The following ZBTB5 variants were observed in gnomAD, a reference collection of about 807,000 sequenced individuals.
The protein encoded by ZBTB5 is zinc finger and BTB domain containing 5.
Under a neutral mutation model 37.9 loss-of-function variants are expected in ZBTB5, and 15 were observed. The observed-to-expected ratio is 0.40, with a 90% confidence interval of 0.26 to 0.61. ZBTB5 has a LOEUF of 0.61. Ranked by LOEUF, ZBTB5 falls within the 20% of genes least tolerant of loss-of-function variation. ZBTB5 has a pLI of 0.47. For missense variants in ZBTB5, 708 were observed against 856.8 expected, an observed-to-expected ratio of 0.83 and a Z score of 2.17; for synonymous variants, 315 against 312.4, an observed-to-expected ratio of 1.01 and a Z score of -0.09.
chr9:37,456,937 G>A (rs750868682), intron 1 of ZBTB5, among the ~76,000 whole-genome samples: 2 of 152,190 alleles, frequency 1.3e-5, no homozygotes, highest in Non-Finnish European at 2.9e-5. Context: ...AAAGACTATG[G>A]ATGAAAGATT....
rs147597809 is a variant in ZBTB5 at position 37,451,405 on chromosome 9, A to G, written c.-4-8850T>C. ...AACATGGCAAAACCCTGTCTCTACA[A>G]AAATTAGCTGGGTGTGGTGGCGCAG... On this transcript the variant is annotated intron_variant, in intron 1 of 1. Coordinates refer to ENST00000307750, the MANE Select transcript of ZBTB5 (RefSeq NM_014872.3). Among the ~76,000 whole-genome samples, 6 of 152,160 alleles carry G rather than the reference A, an allele frequency of 3.9e-5. No individual in the cohort carries two copies. In the East Asian group the frequency reaches 1.2e-3, roughly 29 times the overall value.
At chr9:37,448,349 C>A (rs1392365490) in intron 1 of ZBTB5, among the ~76,000 whole-genome samples, 1 of 152,204 alleles carries the variant, frequency 6.6e-6, no homozygotes, top group African/African-American at 2.4e-5. Context: ...TGCATCATAA[C>A]TATGATTCCA....
intron 1 of ZBTB5, among the ~76,000 whole-genome samples, chr9:37,451,435 G>A (rs959172778): frequency 6.6e-6 from 1 of 151,336 alleles, no homozygotes; most frequent in Non-Finnish European, 1.5e-5. Context: ...GCGCAGGCCT[G>A]TAATCCCAGT....
intron 1 of ZBTB5, among the ~76,000 whole-genome samples, chr9:37,445,714 T>C (rs577696627): frequency 2.6e-5 from 4 of 151,988 alleles, no homozygotes; most frequent in African/African-American, 7.2e-5. Context: ...TTGAAAGTGG[T>C]TGCCTCTGAG....
intron 1 of ZBTB5, among the ~76,000 whole-genome samples, chr9:37,461,808 T>C (rs987021922): frequency 6.6e-6 from 1 of 152,190 alleles, no homozygotes; most frequent in Non-Finnish European, 1.5e-5. Flanking sequence ...CCAAGTATAA[T>C]TTCCAAAAAG....
Position 37,461,504 on chromosome 9 carries a change from G to C in ZBTB5, c.-5+3711C>G, listed in dbSNP as rs570236569. Among the ~76,000 whole-genome samples the C allele has an allele frequency of 1.2e-4, 19 of 152,332 alleles. No individual in the cohort carries two copies. In the South Asian group the frequency reaches 2.5e-3, roughly 20 times the overall value. On this transcript the variant is annotated intron_variant, in intron 1 of 1. Transcript: ENST00000307750. Reference sequence around the variant, plus strand: ...GCACTTTGGGAGGCCAAGGCAGTCGGATCACCTGAGGTCAGGAGTTCAAGA... The same window carrying C: ...GCACTTTGGGAGGCCAAGGCAGTCGCATCACCTGAGGTCAGGAGTTCAAGA...
rs115524235 is a variant in ZBTB5, at chr9:37,450,445, T to C, written c.-4-7890A>G. Among the ~76,000 whole-genome samples the C allele has an allele frequency of 4.1e-3, 617 of 152,304 alleles. 7 individuals carry two copies. The highest frequency in any genetic ancestry group is 0.014 in the African/African-American group (592 of 41,562). On this transcript the variant is annotated intron_variant, in intron 1 of 1. Transcript: ENST00000307750. ...ATTGCTGATCTAACAAAAATTTTAA[T>C]TATATTTGGAAGATAGAAGAATGAG...
At chr9:37,443,952 G>A (rs1311095306) in intron 1 of ZBTB5, among the ~76,000 whole-genome samples, 2 of 151,146 alleles carry the variant, frequency 1.3e-5, no homozygotes, top group Admixed American at 6.6e-5. Context: ...GCATGGTGGC[G>A]TGCACCTGTG....
At chr9:37,460,026 A>G (rs1255930773) in intron 1 of ZBTB5, among the ~76,000 whole-genome samples, 1 of 151,270 alleles carries the variant, frequency 6.6e-6, no homozygotes, top group African/African-American at 2.4e-5. Context: ...TTTAATTTTT[A>G]GTAAAGACTG....
intron 1 of ZBTB5, among the ~76,000 whole-genome samples, chr9:37,444,510 A>G (rs1362011807): frequency 6.6e-6 from 1 of 152,114 alleles, no homozygotes; most frequent in East Asian, 1.9e-4. Flanking sequence ...AAGAAATGGT[A>G]TTTTTTAAAT....
At chr9:37,458,242 TCC>T (rs2118957254) in intron 1 of ZBTB5, among the ~76,000 whole-genome samples, 1 of 152,332 alleles carries the variant, frequency 6.6e-6, no homozygotes, top group South Asian at 2.1e-4. Flanking sequence ...AAATGCTCAC[TCC>T]AATGGAGACC....
At chr9:37,461,033 A>G (rs1342986913) in intron 1 of ZBTB5, among the ~76,000 whole-genome samples, 1 of 152,266 alleles carries the variant, frequency 6.6e-6, no homozygotes, top group African/African-American at 2.4e-5. Flanking sequence ...TCAAAGCAGT[A>G]TATGCCTTCA....
At chr9:37,464,785 T>A in intron 1 of ZBTB5, among the ~76,000 whole-genome samples, 1 of 152,218 alleles carries the variant, frequency 6.6e-6, no homozygotes, top group Non-Finnish European at 1.5e-5. Flanking sequence ...GATGGCAGTC[T>A]GCCTATGGCC....
chr9:37,443,774 T>C (rs1181778615), intron 1 of ZBTB5, among the ~76,000 whole-genome samples: 1 of 151,660 alleles, frequency 6.6e-6, no homozygotes, highest in African/African-American at 2.4e-5. Context: ...CTACCAAAAA[T>C]ACAAAAAATT....
At chr9:37,452,068 T>C (rs1425612091) in intron 1 of ZBTB5, among the ~76,000 whole-genome samples, 1 of 152,214 alleles carries the variant, frequency 6.6e-6, no homozygotes, top group Non-Finnish European at 1.5e-5. Context: ...GGCCTTTCAT[T>C]TGTTTTACAA....
At chr9:37,453,089 T>C (rs977830476) in intron 1 of ZBTB5, among the ~76,000 whole-genome samples, 2 of 152,214 alleles carry the variant, frequency 1.3e-5, no homozygotes, top group Non-Finnish European at 2.9e-5. Context: ...TCATATAGGT[T>C]GCACTCTCAA....
At chr9:37,459,231 G>A (rs1042278448) in intron 1 of ZBTB5, among the ~76,000 whole-genome samples, 5 of 152,210 alleles carry the variant, frequency 3.3e-5, no homozygotes, top group African/African-American at 1.2e-4. Context: ...GGCCAAGGCA[G>A]GTGGATCACC....
At chr9:37,450,622 T>C (rs116934390) in intron 1 of ZBTB5, among the ~76,000 whole-genome samples, 12 of 151,974 alleles carry the variant, frequency 7.9e-5, no homozygotes, top group South Asian at 2.1e-4. Flanking sequence ...CTCACACTTA[T>C]AATCCCAGCA....
intron 1 of ZBTB5, among the ~76,000 whole-genome samples, chr9:37,447,186 C>T (rs1824005797): frequency 6.6e-6 from 1 of 152,204 alleles, no homozygotes; most frequent in African/African-American, 2.4e-5. Context: ...AAAGGGAAAG[C>T]AAGGACCTTC....
Sources: allele counts gnomAD v4.1 joint callset (sites outside exome capture counted in the v4.1 genomes callset), GRCh38; gene constraint gnomAD v4.1.1; transcripts MANE v1.5; gene names NCBI Gene and HGNC (gene_info 2026-07-23, HGNC 2026-07-21).